Variants in TACC1 observed in about 807,000 individuals in gnomAD.
TACC1 encodes transforming acidic coiled-coil containing protein 1, also known as transforming acidic coiled-coil-containing protein 1.
In TACC1, 48 loss-of-function variants were observed where a neutral mutation model predicts 84.4. The observed-to-expected ratio is 0.57, with a 90% confidence interval of 0.45 to 0.72. The LOEUF (loss-of-function observed/expected upper bound fraction) is 0.72. TACC1 is among the 30% of genes least tolerant of loss of function. The probability of loss-of-function intolerance (pLI) is 0.00; values close to 1 mark genes in which losing one functional copy is unlikely to be tolerated. For synonymous variants in TACC1, 372 were observed against 376.3 expected (o/e 0.99, Z 0.13); for missense variants, 920 against 973.0 (o/e 0.95, Z 0.72).
chr8:38,771,628 G>T (rs1232787741), intron 3 of TACC1, among the ~76,000 whole-genome samples: 2 of 152,168 alleles, frequency 1.3e-5, no homozygotes, highest in African/African-American at 2.4e-5. Flanking sequence ...AGTGCGCATG[G>T]GTGTCACCTG....
rs1831625790 is a variant in TACC1 at position 38,843,424 on chromosome 8, T to G, written c.2228+29T>G. The stretch of plus-strand genomic sequence containing the variant: ...AGAGCTTGTAAATGTTGAATTTCAC[T>G]CTTCATGATGTTGTGGGAAGATTGA... On this transcript the variant is annotated intron_variant, in intron 11 of 12. Transcript: ENST00000317827. 3 of 1,529,312 alleles carry G rather than the reference T, an allele frequency of 2.0e-6. No individual in the cohort carries two copies. In the South Asian group the frequency reaches 3.6e-5, roughly 18 times the overall value. 94.7% of individuals were successfully genotyped at this position (1,529,312 alleles called of 1,614,324 possible).
At chr8:38,836,314 T>A in intron 7 of TACC1, 27 bp downstream of exon 7, 1 of 1,597,938 alleles carries the variant, frequency 6.3e-7, no homozygotes, top group Non-Finnish European at 8.5e-7. Context: ...TTAGTCTGCT[T>A]ATCACTCCAT....
chr8:38,785,903 T>C (rs1817050056), upstream of TACC1: 1 of 180,786 alleles, frequency 5.5e-6, no homozygotes, highest in African/African-American at 2.4e-5. Context: ...CACCCCTTTC[T>C]TTTCTCTAGA....
intron 2 of TACC1, among the ~76,000 whole-genome samples, chr8:38,811,799 A>G (rs751351899): frequency 1.3e-5 from 2 of 152,352 alleles, no homozygotes; most frequent in Non-Finnish European, 2.9e-5. Context: ...TTCCGGGAAC[A>G]AGGGAAGACA....
rs370496666 is a variant in TACC1, at chr8:38,820,194, C to G, written c.950C>G (p.Pro317Arg). 11 of 1,613,952 alleles carry G rather than the reference C, an allele frequency of 6.8e-6. No individual in the cohort carries two copies. The highest frequency in any genetic ancestry group is 8.5e-6 in the Non-Finnish European group (10 of 1,179,994). The part of the protein sequence containing the change: ...VELGEESRSS[P>R]LKLEFDFTED... ...CTGGGGGAGGAGTCGAGGAGCTCAC[C>G]TCTCAAGCTTGAGTTTGATTTCACA... The change falls in exon 3 of 13, where the codon CCT becomes CGT. Residue 317 changes from proline to arginine, a missense_variant. Physicochemically the swap from Pro to Arg is moderately radical, Grantham distance 103. Coordinates refer to ENST00000317827, the MANE Select transcript of TACC1 (RefSeq NM_006283.3).
At chr8:38,732,409 C>A (rs1338039752) in intron 1 of TACC1, among the ~76,000 whole-genome samples, 1 of 150,770 alleles carries the variant, frequency 6.6e-6, no homozygotes, top group South Asian at 2.1e-4. Context: ...CTAAATATAG[C>A]TGATTTAAAA....
intron 6 of TACC1, 28 bp from the exon 7 acceptor site, chr8:38,836,134 A>G (rs1335827354): frequency 6.2e-7 from 1 of 1,611,164 alleles, no homozygotes; most frequent in Non-Finnish European, 8.5e-7. Context: ...GAAAGCTGAC[A>G]GATTCAGTGT....
chr8:38,787,251 G>A lies in TACC1; in HGVS notation c.-332G>A. On this transcript the variant is annotated 5_prime_UTR_variant, in exon 1 of 13. Coordinates refer to ENST00000317827, the MANE Select transcript of TACC1 (RefSeq NM_006283.3). Reference sequence around the variant, plus strand: ...CGGGAGGCGGGAGTCCGCGAGCCGGGAGCGGGAGCAGCAGAGGTCTAGCAG... The same window carrying A: ...CGGGAGGCGGGAGTCCGCGAGCCGGAAGCGGGAGCAGCAGAGGTCTAGCAG... The A allele has an allele frequency of 1.9e-6, 2 of 1,029,706 alleles. No homozygotes were observed. Among genetic ancestry groups the A allele is most frequent in the Non-Finnish European group, 2.3e-6 (2 of 859,422 alleles). 63.8% of individuals were successfully genotyped at this position (1,029,706 alleles called of 1,614,324 possible). A position where few individuals can be genotyped will look rare whatever the true frequency, so the allele number is the denominator to read the frequency against.
Position 38,848,207 on chromosome 8 carries a change from A to AG in TACC1, c.*187dup. 5.4e-6 allele frequency: 3 copies of AG among 556,854 alleles called. No homozygotes were observed. In the South Asian group the frequency reaches 7.9e-5, roughly 15 times the overall value. The allele number at this position is 556,854 out of a possible 1,614,324, so 34.5% of individuals were successfully genotyped here. A position where few individuals can be genotyped will look rare whatever the true frequency, so the allele number is the denominator to read the frequency against. ...GCAACAGCCCTGGAAGAAACCCTAGAGGGTTGCATAGTCTAGAAAGGAGTG... is the reference window on the plus strand; with the variant it reads ...GCAACAGCCCTGGAAGAAACCCTAGAGGGGTTGCATAGTCTAGAAAGGAGTG... On this transcript the variant is annotated 3_prime_UTR_variant, in exon 13 of 13. Transcript: ENST00000317827.
At chr8:38,792,680 T>C (rs1285997703) in intron 2 of TACC1, among the ~76,000 whole-genome samples, 1 of 152,192 alleles carries the variant, frequency 6.6e-6, no homozygotes, top group South Asian at 2.1e-4. Flanking sequence ...TTAGCCAGGA[T>C]GGTCTCGATC....
At chr8:38,792,972 T>A (rs1819090515) in intron 2 of TACC1, among the ~76,000 whole-genome samples, 1 of 152,186 alleles carries the variant, frequency 6.6e-6, no homozygotes, top group Admixed American at 6.5e-5. Context: ...TCACAAAAAC[T>A]GCAGTGGGTG....
chr8:38,820,749 A>G (rs1469323743), intron 3 of TACC1, 114 bp downstream of exon 3: 1 of 1,413,264 alleles, frequency 7.1e-7, no homozygotes, highest in Non-Finnish European at 9.5e-7. Flanking sequence ...ACCGAGGTTC[A>G]TACAAAGCTT....
intron 3 of TACC1, among the ~76,000 whole-genome samples, chr8:38,753,190 C>G (rs1325181491): frequency 6.6e-6 from 1 of 152,088 alleles, no homozygotes; most frequent in East Asian, 1.9e-4. Flanking sequence ...GCTTTGATTT[C>G]CTGGGCTCCA....
At chr8:38,814,849 T>C (rs1825049621) in intron 2 of TACC1, among the ~76,000 whole-genome samples, 1 of 152,240 alleles carries the variant, frequency 6.6e-6, no homozygotes, top group Non-Finnish European at 1.5e-5. Context: ...TGTCCTAACA[T>C]TTAATATAGG....
chr8:38,734,220 T>A (rs1005287002), intron 1 of TACC1, among the ~76,000 whole-genome samples: 1 of 152,112 alleles, frequency 6.6e-6, no homozygotes, highest in Non-Finnish European at 1.5e-5. Flanking sequence ...CTAGACAGAG[T>A]CTTGCTCTGT....
intron 2 of TACC1, among the ~76,000 whole-genome samples, chr8:38,804,335 T>C (rs1822136777): frequency 6.6e-6 from 1 of 152,156 alleles, no homozygotes; most frequent in Non-Finnish European, 1.5e-5. Flanking sequence ...ATTTCGCTCT[T>C]GTCACCCAGG....
intron 1 of TACC1, among the ~76,000 whole-genome samples, chr8:38,733,256 C>G (rs547243188): frequency 6.6e-6 from 1 of 152,034 alleles, no homozygotes; most frequent in Non-Finnish European, 1.5e-5. Flanking sequence ...CACCAAGCCC[C>G]GCTCTGCAAT....
intron 3 of TACC1, among the ~76,000 whole-genome samples, chr8:38,781,834 C>T (rs1440653080): frequency 6.6e-6 from 1 of 152,046 alleles, no homozygotes; most frequent in Non-Finnish European, 1.5e-5. Context: ...TTATAAACAA[C>T]ATAGAGGAAG....
intron 2 of TACC1, among the ~76,000 whole-genome samples, chr8:38,805,013 C>T (rs1822344955): frequency 6.6e-6 from 1 of 152,198 alleles, no homozygotes; most frequent in Non-Finnish European, 1.5e-5. Flanking sequence ...GACCTATTTC[C>T]CTATTTCTTG....
Sources: gnomAD v4.1 joint callset for allele counts (sites outside exome capture counted in the v4.1 genomes callset) on GRCh38, gnomAD v4.1.1 for gene constraint, MANE v1.5 for transcripts, NCBI Gene and HGNC (gene_info 2026-07-23, HGNC 2026-07-21) for gene names.